Variants in TTC34 observed in about 807,000 individuals in gnomAD.
TTC34 encodes the protein tetratricopeptide repeat domain 34.
Under a neutral mutation model 40.7 loss-of-function variants are expected in TTC34, and 44 were observed. The observed-to-expected ratio is 1.08, with a 90% CI of 0.85 to 1.39. The LOEUF is 1.39. TTC34 is among the 40% of genes most tolerant of loss of function. TTC34 has a pLI of 0.00. For missense variants in TTC34, 884 were observed against 838.0 expected, an observed-to-expected ratio of 1.05 and a Z score of -0.68; for synonymous variants, 422 against 398.6, an observed-to-expected ratio of 1.06 and a Z score of -0.70.
chr1:2,653,293 G>C (rs1639213300), intron 6 of TTC34, among the ~76,000 whole-genome samples: 1 of 151,248 alleles, frequency 6.6e-6, no homozygotes, highest in African/African-American at 2.4e-5. Flanking sequence ...TGCACCCCCA[G>C]GTGAGCATCT....
At chr1:2,683,256 C>G (rs868174734) in intron 6 of TTC34, among the ~76,000 whole-genome samples, 134 of 22,984 alleles carry the variant, frequency 5.8e-3, no homozygotes, top group Middle Eastern at 0.056. Flanking sequence ...TGATGGTTTG[C>G]AGCAGCACCC....
intron 5 of TTC34, among the ~76,000 whole-genome samples, chr1:2,784,082 G>C (rs1361045746): frequency 6.6e-6 from 1 of 152,266 alleles, no homozygotes; most frequent in Admixed American, 6.5e-5. Context: ...AAGACGCGGA[G>C]ACCGGTAGTG....
chr1:2,792,025 T>TTTTTTTTTTTTTTTTTTC (rs1643668812), intron 2 of TTC34, among the ~76,000 whole-genome samples: 1 of 122,496 alleles, frequency 8.2e-6, no homozygotes, highest in Non-Finnish European at 1.7e-5. Context: ...TTTTTTTTTT[T>TTTTTTTTTTTTTTTTTTC]TTTTTTTTAA....
At chr1:2,773,265 T>G (rs1212786467) in intron 6 of TTC34, among the ~76,000 whole-genome samples, 6 of 85,898 alleles carry the variant, frequency 7.0e-5, no homozygotes, top group Non-Finnish European at 1.2e-4. Context: ...CACCCCCAGG[T>G]GAGCATCTGA....
At chr1:2,775,611 G>T (rs1308897417) in intron 6 of TTC34, 2 of 148,774 alleles carry the variant, frequency 1.3e-5, no homozygotes, top group Non-Finnish European at 2.9e-5. Context: ...TGATGTGACT[G>T]CGTGGAACAG....
intron 6 of TTC34, among the ~76,000 whole-genome samples, chr1:2,698,530 C>T (rs1303391284): frequency 2.2e-5 from 3 of 139,368 alleles, no homozygotes; most frequent in African/African-American, 2.8e-5. Context: ...CCCCACACCC[C>T]CAGGTGAGCA....
intron 6 of TTC34, among the ~76,000 whole-genome samples, chr1:2,688,209 C>A (rs528874693): frequency 0.01 from 1,176 of 117,512 alleles, no homozygotes; most frequent in African/African-American, 0.027. Flanking sequence ...CACCCCACAC[C>A]CCCAGGGGAG....
intron 6 of TTC34, among the ~76,000 whole-genome samples, chr1:2,691,096 C>T (rs576171314): frequency 1.3e-5 from 1 of 78,298 alleles, no homozygotes; most frequent in Non-Finnish European, 3.0e-5. Context: ...GAGCAGCACC[C>T]ACACCTTCAG....
intron 6 of TTC34, among the ~76,000 whole-genome samples, chr1:2,691,099 A>ATC (rs1471067518): frequency 1.3e-5 from 1 of 75,438 alleles, no homozygotes; most frequent in Non-Finnish European, 3.1e-5. Flanking sequence ...CAGCACCCAC[A>ATC]CCTTCAGGTG....
At chr1:2,749,548 A>G (rs1171567960) in intron 6 of TTC34, among the ~76,000 whole-genome samples, 3 of 23,270 alleles carry the variant, frequency 1.3e-4, no homozygotes, top group African/African-American at 6.6e-4. Flanking sequence ...CTGAACGCAA[A>G]TAGCAGCACC....
intron 6 of TTC34, among the ~76,000 whole-genome samples, chr1:2,650,987 C>T (rs377575446): frequency 6.6e-6 from 1 of 150,902 alleles, no homozygotes; most frequent in Non-Finnish European, 1.5e-5. Context: ...GCACCCCAAA[C>T]CCCCAATAAG....
At chr1:2,641,559 T>G (rs998896984) in exon 9 of TTC34, 2 of 1,533,306 alleles carry the variant, frequency 1.3e-6, no homozygotes, top group African/African-American at 1.4e-5. Context: ...CCTGGCTGCC[T>G]GCACAGGCTG....
In TTC34 at chr1:2,687,566, C is replaced by A. The variant is rs572079551; in HGVS notation, c.2227-42003G>T. Among the ~76,000 whole-genome samples the A allele has an allele frequency of 7.8e-3, 1,133 of 144,598 alleles. 110 individuals carry two copies. Among genetic ancestry groups the A allele is most frequent in the African/African-American group, 0.031 (1,095 of 35,396 alleles). 94.9% of individuals were successfully genotyped at this position (144,598 alleles called of 152,430 possible). A position where few individuals can be genotyped will look rare whatever the true frequency, so the allele number is the denominator to read the frequency against. ...TGACAGCATGGAGCAGCACGCTGCA[C>A]CGCCAGGTGACGATCTGACAGCCTG... On this transcript the variant is annotated intron_variant, in intron 6 of 8. Coordinates refer to ENST00000401095, the Ensembl canonical transcript of TTC34.
chr1:2,656,029 C>A (rs1639331466), intron 6 of TTC34, among the ~76,000 whole-genome samples: 1 of 152,142 alleles, frequency 6.6e-6, no homozygotes, highest in Non-Finnish European at 1.5e-5. Flanking sequence ...CGGCGAGCAT[C>A]CGACAGCCTG....
At chr1:2,654,904 C>T (rs1368450576) in intron 6 of TTC34, among the ~76,000 whole-genome samples, 74 of 150,652 alleles carry the variant, frequency 4.9e-4, no homozygotes, top group Middle Eastern at 3.4e-3. Context: ...TCCAGGTGAG[C>T]ATCTGACAGC....
chr1:2,791,686 CACA>C (rs1282387295), intron 2 of TTC34, among the ~76,000 whole-genome samples: 3 of 152,180 alleles, frequency 2.0e-5, no homozygotes, highest in Non-Finnish European at 2.9e-5. Flanking sequence ...GACCCTTGAA[CACA>C]ACATTACCCC....
intron 6 of TTC34, among the ~76,000 whole-genome samples, chr1:2,681,908 C>G (rs1369598492): frequency 6.8e-5 from 8 of 117,262 alleles, no homozygotes; most frequent in East Asian, 6.5e-4. Flanking sequence ...GCCTGCACCA[C>G]CAGGTGCGCA....
At chr1:2,673,410 CTG>C (rs1639772720) in intron 6 of TTC34, among the ~76,000 whole-genome samples, 2 of 79,982 alleles carry the variant, frequency 2.5e-5, no homozygotes, top group African/African-American at 4.4e-5. Flanking sequence ...AGGTGAGCAT[CTG>C]ATGGTTTGCG....
intron 6 of TTC34, among the ~76,000 whole-genome samples, chr1:2,688,573 T>A (rs1418706404): frequency 8.2e-5 from 4 of 48,658 alleles, no homozygotes; most frequent in East Asian, 6.7e-4. Context: ...ACCCACACCT[T>A]CCGGCGCGCA....
Sources: gnomAD v4.1 joint callset for allele counts (sites outside exome capture counted in the v4.1 genomes callset) on GRCh38, gnomAD v4.1.1 for gene constraint, MANE v1.5 for transcripts, NCBI Gene and HGNC (gene_info 2026-07-23, HGNC 2026-07-21) for gene names.